FARS2: variants seen among roughly 807,000 people sequenced by gnomAD.
FARS2 encodes the protein phenylalanyl-tRNA synthetase 2, mitochondrial.
Under a neutral mutation model 46.4 loss-of-function variants are expected in FARS2, and 40 were observed. That is an observed-to-expected ratio of 0.86 (90% confidence interval 0.67 to 1.12). The LOEUF (loss-of-function observed/expected upper bound fraction) is 1.12, where lower values mean the gene tolerates loss of function less well. Among genes scored for constraint, FARS2 ranks in the 50% most tolerant of loss-of-function variants. FARS2 has a pLI of 0.00. For missense variants in FARS2, 513 were observed against 567.9 expected (o/e 0.90, Z 0.98); for synonymous variants, 234 against 214.9 (o/e 1.09, Z -0.78).
At chr6:5,572,886 C>G (rs1428064368) in intron 5 of FARS2, among the ~76,000 whole-genome samples, 1 of 152,158 alleles carries the variant, frequency 6.6e-6, no homozygotes, top group African/African-American at 2.4e-5. Context: ...CTTGGTTCTT[C>G]CTATTTCTGG....
At chr6:5,684,071 T>C (rs1312810709) in intron 6 of FARS2, among the ~76,000 whole-genome samples, 1 of 152,208 alleles carries the variant, frequency 6.6e-6, no homozygotes, top group Non-Finnish European at 1.5e-5. Flanking sequence ...AGCAGTTTTA[T>C]AGAGAGATTA....
At chr6:5,632,068 T>C (rs946482527) in intron 6 of FARS2, among the ~76,000 whole-genome samples, 2 of 152,350 alleles carry the variant, frequency 1.3e-5, no homozygotes, top group Middle Eastern at 3.4e-3. Context: ...TTTGTATTTG[T>C]TTATCAGTTG....
chr6:5,311,298 A>G lies in FARS2; in HGVS notation c.-22+49638A>G, dbSNP rs557010537. 2.0e-4 allele frequency among the ~76,000 whole-genome samples: 30 copies of G among 152,334 alleles called. No homozygotes were observed. The highest frequency in any genetic ancestry group is 7.0e-4 in the African/African-American group (29 of 41,572). ...TATGTTTTACTGATAGATTAAATAG[A>G]TGCTGCAGGGGTTCCCTCAACCCCT... On this transcript the variant is annotated intron_variant, in intron 1 of 6. Transcript: ENST00000274680. The surrounding 1 kb of genome is among the most constrained non-coding windows in gnomAD (Gnocchi z 4.1).
chr6:5,539,319 A>G (rs1158261324), intron 4 of FARS2, among the ~76,000 whole-genome samples: 14 of 141,220 alleles, frequency 9.9e-5, no homozygotes, highest in Non-Finnish European at 1.8e-4. Context: ...CCATTCTCCT[A>G]CCTCAGCCTC....
At chr6:5,326,959 A>G (rs573278669) in intron 1 of FARS2, among the ~76,000 whole-genome samples, 1 of 152,334 alleles carries the variant, frequency 6.6e-6, no homozygotes, top group South Asian at 2.1e-4. Context: ...CCTCAGCATT[A>G]AGGACATTAA....
chr6:5,583,629 A>G (rs1773454789), intron 5 of FARS2, among the ~76,000 whole-genome samples: 1 of 152,182 alleles, frequency 6.6e-6, no homozygotes, highest in African/African-American at 2.4e-5. Flanking sequence ...TGTTCTAAGC[A>G]TTTTATGTAT....
chr6:5,339,425 G>A (rs1040788526), intron 1 of FARS2, among the ~76,000 whole-genome samples: 4 of 151,966 alleles, frequency 2.6e-5, no homozygotes, highest in Non-Finnish European at 4.4e-5. Flanking sequence ...TCACAAACCA[G>A]GAGACTTCTT....
intron 6 of FARS2, among the ~76,000 whole-genome samples, chr6:5,670,876 G>A (rs531706295): frequency 2.2e-4 from 33 of 152,186 alleles, no homozygotes; most frequent in Admixed American, 1.5e-3. Flanking sequence ...TAATTATTAC[G>A]AATTCTTAAG....
intron 6 of FARS2, among the ~76,000 whole-genome samples, chr6:5,760,668 G>A (rs1005144051): frequency 3.9e-5 from 6 of 152,204 alleles, no homozygotes; most frequent in South Asian, 2.1e-4. Context: ...GTACTCTACC[G>A]TCTGTACACG....
Position 5,669,985 on chromosome 6 carries a change from A to G in FARS2, c.1217+56665A>G, listed in dbSNP as rs139224228. Among the ~76,000 whole-genome samples, 88 of 152,330 alleles carry G rather than the reference A, an allele frequency of 5.8e-4. 1 individual carries two copies. The highest frequency in any genetic ancestry group is 2.0e-3 in the African/African-American group (85 of 41,580). On this transcript the variant is annotated intron_variant, in intron 6 of 6. Coordinates refer to ENST00000274680, the MANE Select transcript of FARS2 (RefSeq NM_006567.5). The stretch of plus-strand genomic sequence containing the variant: ...GGAGTCTGACATGAGAAAAGTGTCA[A>G]TAACATCCCATTTCTTGTGTTGATT...
chr6:5,448,083 A>C (rs1290381874), intron 4 of FARS2, among the ~76,000 whole-genome samples: 1 of 152,218 alleles, frequency 6.6e-6, no homozygotes, highest in Non-Finnish European at 1.5e-5. Context: ...TTTGAGGACA[A>C]AGAATCGCAG....
chr6:5,644,763 A>G (rs1436903774), intron 6 of FARS2, among the ~76,000 whole-genome samples: 1 of 152,210 alleles, frequency 6.6e-6, no homozygotes, highest in African/African-American at 2.4e-5. Context: ...CATGTTCCTA[A>G]GGCTCAGCCT....
At chr6:5,719,423 G>A (rs1361840384) in intron 6 of FARS2, among the ~76,000 whole-genome samples, 7 of 43,048 alleles carry the variant, frequency 1.6e-4, no homozygotes, top group Admixed American at 2.2e-4. Context: ...GAAGAAGAAA[G>A]AAAAAGAAAG....
At chr6:5,640,058 C>A (rs1267832413) in intron 6 of FARS2, among the ~76,000 whole-genome samples, 1 of 152,078 alleles carries the variant, frequency 6.6e-6, no homozygotes, top group Non-Finnish European at 1.5e-5. Flanking sequence ...AGTTGTATTC[C>A]CAAGATAATG....
intron 6 of FARS2, among the ~76,000 whole-genome samples, chr6:5,720,247 G>A (rs1759802783): frequency 6.6e-6 from 1 of 152,204 alleles, no homozygotes; most frequent in Non-Finnish European, 1.5e-5. Flanking sequence ...GACATTTATA[G>A]TGATTCTGAG....
chr6:5,268,636 G>A (rs900619002), intron 1 of FARS2, among the ~76,000 whole-genome samples: 12 of 152,214 alleles, frequency 7.9e-5, no homozygotes, highest in African/African-American at 2.2e-4. Context: ...GTCAGGTAGC[G>A]TGATGCCTCT....
intron 1 of FARS2, among the ~76,000 whole-genome samples, chr6:5,341,216 TA>T (rs1771576734): frequency 8.6e-4 from 6 of 6,942 alleles, no homozygotes; most frequent in African/African-American, 2.9e-3. Context: ...TATATATATA[TA>T]TATATATATA....
chr6:5,358,313 A>C (rs1758067835), intron 1 of FARS2, among the ~76,000 whole-genome samples: 1 of 152,152 alleles, frequency 6.6e-6, no homozygotes, highest in Non-Finnish European at 1.5e-5. Context: ...ATATATGTAC[A>C]TAGTAAGATT....
At chr6:5,436,892 T>C (rs1763555199) in intron 4 of FARS2, among the ~76,000 whole-genome samples, 1 of 152,228 alleles carries the variant, frequency 6.6e-6, no homozygotes, top group African/African-American at 2.4e-5. Flanking sequence ...GTTGAATATT[T>C]TTCCCAATTT....
Sources: gnomAD v4.1 joint callset for allele counts (sites outside exome capture counted in the v4.1 genomes callset) on GRCh38, gnomAD v4.1.1 for gene constraint, Gnocchi (gnomAD v3.1) non-coding constraint, MANE v1.5 for transcripts, NCBI Gene and HGNC (gene_info 2026-07-23, HGNC 2026-07-21) for gene names.